Variants in MANF observed in about 807,000 individuals in gnomAD.
MANF encodes mesencephalic astrocyte-derived neurotrophic factor.
In MANF, 9 loss-of-function variants were observed where a neutral mutation model predicts 19.1. The observed-to-expected ratio is 0.47, with a 90% CI of 0.28 to 0.82. The LOEUF (loss-of-function observed/expected upper bound fraction) is 0.82. MANF is among the 40% of genes least tolerant of loss of function. The pLI, the probability that MANF is intolerant of heterozygous loss-of-function variation, is 0.10. For missense variants in MANF, 225 were observed against 226.7 expected (o/e 0.99, Z 0.05); for synonymous variants, 89 against 88.0 (o/e 1.01, Z -0.06).
At chr3:51,387,051 G>A (rs1291280461) in intron 2 of MANF, 3 of 423,186 alleles carry the variant, frequency 7.1e-6, no homozygotes, top group Non-Finnish European at 1.4e-5. Flanking sequence ...GGCCAGGTGC[G>A]GTGGCTCATG....
At position 51,388,784 on chromosome 3, in the gene MANF, T is replaced by C. The variant is rs1347621606; in HGVS notation, c.365-121T>C. On this transcript the variant is annotated intron_variant, in intron 3 of 3. Transcript: ENST00000528157. ...ACATGCCTGTAAATGTGTCTGGAAA[T>C]GTCTCTTCCTCTGAAACCAGTAGGG... 6 of 672,062 alleles carry C rather than the reference T, an allele frequency of 8.9e-6. No individual in the cohort carries two copies. In the East Asian group the frequency reaches 1.7e-4, roughly 19 times the overall value. 41.6% of individuals were successfully genotyped at this position (672,062 alleles called of 1,614,324 possible).
In MANF at chr3:51,385,409, C is replaced by A; in HGVS notation, c.67C>A (p.Arg23=). The A allele has an allele frequency of 8.1e-7, 1 of 1,237,216 alleles. No homozygotes were observed. Among genetic ancestry groups the A allele is most frequent in the Non-Finnish European group, 1.0e-6 (1 of 989,248 alleles). 76.6% of individuals were successfully genotyped at this position (1,237,216 alleles called of 1,614,324 possible). ...GGCTCTGAGCGTGCTGCCGGGCAGCCGGGCGCTGCGGCCGGGCGACTGCGA... is the reference window on the plus strand; with the variant it reads ...GGCTCTGAGCGTGCTGCCGGGCAGCAGGGCGCTGCGGCCGGGCGACTGCGA... ...ALALSVLPGS[R]ALRPGDCEVC... Residue 23 remains arginine, a synonymous_variant, in exon 1 of 4, where the codon CGG becomes AGG. Coordinates refer to ENST00000528157, the MANE Select transcript of MANF (RefSeq NM_006010.6).
intron 2 of MANF, chr3:51,386,973 G>A (rs2088968340): frequency 2.2e-6 from 1 of 456,748 alleles, no homozygotes; most frequent in Non-Finnish European, 4.4e-6. Context: ...CATGTGTTAA[G>A]AGTCCAGGGT....
Position 51,388,978 on chromosome 3 carries a change from CTG to C in MANF, c.439_440del (p.Trp147GlyfsTer12). On this transcript the variant is annotated frameshift_variant, in exon 4 of 4. Coordinates refer to ENST00000528157, the MANE Select transcript of MANF (RefSeq NM_006010.6). LOFTEE classifies it high-confidence loss of function. ...AAGAGCTGAAGAAGATTCTGGATGACTGGGGGGAGACATGCAAAGGCTGTGCA... is the reference window on the plus strand; with the variant it reads ...AAGAGCTGAAGAAGATTCTGGATGACGGGGGAGACATGCAAAGGCTGTGCA... ...VKELKKILDDWGETCKGCAEK... is the reference protein window; with the variant it reads ...VKELKKILDDXGETCKGCAEK... 1.2e-6 allele frequency: 2 copies of C among 1,605,188 alleles called. No individual in the cohort carries two copies. The highest frequency in any genetic ancestry group is 8.5e-7 in the Non-Finnish European group (1 of 1,175,554).
chr3:51,386,094 C>T (rs2088956512), intron 1 of MANF, 114 bp from the exon 2 acceptor site: 2 of 1,165,348 alleles, frequency 1.7e-6, no homozygotes, highest in Non-Finnish European at 2.4e-6. Context: ...TGGAAAAGCT[C>T]ACCTCTAATG....
intron 2 of MANF, chr3:51,386,981 G>A (rs2088968438): frequency 2.2e-6 from 1 of 456,368 alleles, no homozygotes; most frequent in Non-Finnish European, 4.4e-6. Context: ...AAGAGTCCAG[G>A]GTTTACACTG....
chr3:51,387,920 T>C (rs1169248271), intron 3 of MANF, 42 bp downstream of exon 3: 2 of 1,602,592 alleles, frequency 1.2e-6, no homozygotes, highest in Non-Finnish European at 1.7e-6. Flanking sequence ...CTGTGCACCT[T>C]CTGGGTTTGT....
chr3:51,388,793 C>A, intron 3 of MANF, 112 bp from the exon 4 acceptor site: 1 of 729,188 alleles, frequency 1.4e-6, no homozygotes, highest in Non-Finnish European at 2.2e-6. Flanking sequence ...ATGTCTCTTC[C>A]TCTGAAACCA....
Position 51,386,278 on chromosome 3 carries a change from T to C in MANF, c.165T>C (p.Thr55=). 6.2e-7 allele frequency: 1 copy of C among 1,613,912 alleles called. No individual in the cohort carries two copies. The change falls in exon 2 of 4, where the codon ACT becomes ACC. Residue 55 remains threonine, a synonymous_variant. Coordinates refer to ENST00000528157, the MANE Select transcript of MANF (RefSeq NM_006010.6). ...KDRDVTFSPA[T]IENELIKFCR... ...GAGATGTCACATTCTCACCAGCCACTATTGAAAACGAACTTATAAAGTTCT... is the reference window on the plus strand; with the variant it reads ...GAGATGTCACATTCTCACCAGCCACCATTGAAAACGAACTTATAAAGTTCT...
At chr3:51,385,672 A>T (rs1388609111) in intron 1 of MANF, 3 of 366,700 alleles carry the variant, frequency 8.2e-6, no homozygotes, top group African/African-American at 6.3e-5. Flanking sequence ...ATCCCGTTGA[A>T]AACTTGTCCT....
In MANF at chr3:51,385,453, CGGGGGCCGCGCTCCGTGACCGTTCT is replaced by C. The variant is rs2110699618; in HGVS notation, c.94+20_94+44del. On this transcript the variant is annotated intron_variant, in intron 1 of 3. Coordinates refer to ENST00000528157, the MANE Select transcript of MANF (RefSeq NM_006010.6). ...ACTGCGAAGGTGCGGGATAGGGGGC[CGGGGGCCGCGCTCCGTGACCGTTCT>C]GGCGGCGGCGCTGAACCCCACAACA... 2.0e-6 allele frequency: 2 copies of C among 1,018,924 alleles called. No individual in the cohort carries two copies. The highest frequency in any genetic ancestry group is 3.5e-5 in the African/African-American group (2 of 57,426). The allele number at this position is 1,018,924 out of a possible 1,614,324, so 63.1% of individuals were successfully genotyped here.
At chr3:51,385,911 G>T in intron 1 of MANF, 1 of 359,568 alleles carries the variant, frequency 2.8e-6, no homozygotes. Flanking sequence ...AGTGAGTCCC[G>T]TCTCAAGGAC....
chr3:51,388,951 T>TA lies in MANF; in HGVS notation c.414dup (p.Glu139ArgfsTer8). 6.3e-7 allele frequency: 1 copy of TA among 1,595,724 alleles called. No individual in the cohort carries two copies. ...CAGTGGACCTGAAGAAGCTCCGAGTTAAAGAGCTGAAGAAGATTCTGGATG... is the reference window on the plus strand; with the variant it reads ...CAGTGGACCTGAAGAAGCTCCGAGTTAAAAGAGCTGAAGAAGATTCTGGATG... On this transcript the variant is annotated frameshift_variant, in exon 4 of 4. Transcript: ENST00000528157. LOFTEE classifies it high-confidence loss of function.
At chr3:51,386,793 T>A in intron 2 of MANF, 1 of 444,602 alleles carries the variant, frequency 2.2e-6, no homozygotes, top group Non-Finnish European at 4.5e-6. Flanking sequence ...CAGGAGAAGG[T>A]GACAGGGTGC....
chr3:51,386,873 T>G (rs1553620961), intron 2 of MANF: 3 of 456,790 alleles, frequency 6.6e-6, no homozygotes, highest in Non-Finnish European at 1.3e-5. Context: ...TAACTTGAAT[T>G]TCTCTGACAG....
At chr3:51,387,509 C>G (rs1263460675) in intron 2 of MANF, among the ~76,000 whole-genome samples, 2 of 151,832 alleles carry the variant, frequency 1.3e-5, no homozygotes, top group Admixed American at 1.3e-4. Flanking sequence ...GTGGCCCACA[C>G]CGGTAGACCC....
chr3:51,388,056 A>G (rs553901419), intron 3 of MANF, among the ~76,000 whole-genome samples, 178 bp downstream of exon 3: 15 of 152,186 alleles, frequency 9.9e-5, no homozygotes, highest in Non-Finnish European at 1.9e-4. Context: ...GCCTTATTGA[A>G]GAAGTGATAT....
rs1328383326 is a variant in MANF, at chr3:51,385,335, TGAG to T, written c.-2_1del. On this transcript the variant is annotated 5_prime_UTR_variant, in exon 1 of 4. Coordinates refer to ENST00000528157, the MANE Select transcript of MANF (RefSeq NM_006010.6). ...CGGAGGAGGAGGAGGAGGAGGAGGATGAGGAGGATGAGGAGGATGTGGGCCACG... is the reference window on the plus strand; with the variant it reads ...CGGAGGAGGAGGAGGAGGAGGAGGATGAGGATGAGGAGGATGTGGGCCACG... The T allele has an allele frequency of 1.5e-5, 17 of 1,160,402 alleles. No individual in the cohort carries two copies. The highest frequency in any genetic ancestry group is 1.8e-5 in the Non-Finnish European group (17 of 928,138). The allele number at this position is 1,160,402 out of a possible 1,614,324, so 71.9% of individuals were successfully genotyped here.
intron 2 of MANF, chr3:51,386,885 C>T (rs993621285): frequency 6.6e-6 from 3 of 456,632 alleles, no homozygotes; most frequent in Non-Finnish European, 1.3e-5. Flanking sequence ...CTCTGACAGT[C>T]TCTGGCTTTT....
Sources: allele counts gnomAD v4.1 joint callset (sites outside exome capture counted in the v4.1 genomes callset), GRCh38; gene constraint gnomAD v4.1.1; transcripts MANE v1.5; gene names NCBI Gene and HGNC (gene_info 2026-07-23, HGNC 2026-07-21).